Variants in RBMS3 observed in about 807,000 individuals in gnomAD.
RBMS3 encodes RNA binding motif single stranded interacting protein 3.
In RBMS3, 27 loss-of-function variants were observed where a neutral mutation model predicts 66.8. That is an observed-to-expected ratio of 0.40 (90% CI 0.30 to 0.56). RBMS3 has a LOEUF of 0.56. Ranked by LOEUF, RBMS3 falls within the 20% of genes least tolerant of loss-of-function variation. The pLI, the probability that RBMS3 is intolerant of heterozygous loss-of-function variation, is 0.40. For missense variants in RBMS3, 513 were observed against 549.5 expected (o/e 0.93, Z 0.66); for synonymous variants, 188 against 183.0 (o/e 1.03, Z -0.22).
intron 5 of RBMS3, among the ~76,000 whole-genome samples, chr3:29,760,269 A>ACACACACACACACCCC (rs2055615977): frequency 2.3e-5 from 3 of 129,974 alleles, no homozygotes; most frequent in Non-Finnish European, 4.9e-5. Context: ...ACACACACAC[A>ACACACACACACACCCC]TACACACACA....
At chr3:29,378,262 G>A (rs2038580106) in intron 1 of RBMS3, among the ~76,000 whole-genome samples, 1 of 152,090 alleles carries the variant, frequency 6.6e-6, no homozygotes, top group Admixed American at 6.5e-5. Flanking sequence ...CACGAGGTCA[G>A]GAGATTGAGA....
chr3:29,384,933 A>G (rs1271593421), intron 1 of RBMS3, among the ~76,000 whole-genome samples: 1 of 152,058 alleles, frequency 6.6e-6, no homozygotes, highest in East Asian at 1.9e-4. Flanking sequence ...CAGCTGTCCA[A>G]GTCAGTGCTT....
chr3:29,453,785 G>C (rs1485281773), intron 2 of RBMS3, among the ~76,000 whole-genome samples: 2 of 152,210 alleles, frequency 1.3e-5, no homozygotes, highest in African/African-American at 4.8e-5. Flanking sequence ...AATATGAGCT[G>C]CTGGCATTCC....
At chr3:29,378,055 G>A (rs1168753937) in intron 1 of RBMS3, among the ~76,000 whole-genome samples, 1 of 152,166 alleles carries the variant, frequency 6.6e-6, no homozygotes. Context: ...AAAGTTAAGA[G>A]AAAACTACTG....
chr3:29,849,104 G>C (rs2058862670), intron 6 of RBMS3, among the ~76,000 whole-genome samples: 1 of 150,760 alleles, frequency 6.6e-6, no homozygotes, highest in African/African-American at 2.4e-5. Context: ...TTCCATTTTT[G>C]AATATTGTCT....
chr3:29,585,066 A>G (rs942988860), intron 3 of RBMS3, among the ~76,000 whole-genome samples: 2 of 152,080 alleles, frequency 1.3e-5, no homozygotes, highest in Non-Finnish European at 1.5e-5. Flanking sequence ...TCCCAACTCA[A>G]CTATTAGTTG....
intron 1 of RBMS3, among the ~76,000 whole-genome samples, chr3:29,336,537 T>G (rs2035960259): frequency 6.6e-6 from 1 of 152,184 alleles, no homozygotes; most frequent in African/African-American, 2.4e-5. Flanking sequence ...ATGACTTTAT[T>G]GCGGAACGAA....
At chr3:29,588,955 T>C (rs1160532291) in intron 4 of RBMS3, among the ~76,000 whole-genome samples, 2 of 152,118 alleles carry the variant, frequency 1.3e-5, no homozygotes, top group Non-Finnish European at 2.9e-5. Context: ...TTGGAATTTC[T>C]TGATCTATTC....
intron 1 of RBMS3, among the ~76,000 whole-genome samples, chr3:29,395,699 T>C (rs889895093): frequency 6.6e-6 from 1 of 152,178 alleles, no homozygotes; most frequent in East Asian, 1.9e-4. Context: ...ATTCTTGTAA[T>C]GGTTAAATTA....
chr3:29,575,467 C>T (rs2149074329), intron 3 of RBMS3, among the ~76,000 whole-genome samples: 1 of 151,948 alleles, frequency 6.6e-6, no homozygotes, highest in South Asian at 2.1e-4. Context: ...TTATTAGATG[C>T]CTTGAGGTAG....
intron 6 of RBMS3, among the ~76,000 whole-genome samples, chr3:29,867,569 C>G (rs1337562325): frequency 6.8e-6 from 1 of 147,420 alleles, no homozygotes; most frequent in African/African-American, 2.5e-5. Flanking sequence ...ATCTCATCCT[C>G]CAGCAGGCTA....
chr3:29,884,447 TCTCTCTCTCTCTCTCTCTCTCTCC>T (rs1275392962), intron 8 of RBMS3, among the ~76,000 whole-genome samples: 1 of 129,238 alleles, frequency 7.7e-6, no homozygotes, highest in Non-Finnish European at 1.7e-5. Context: ...TCTCTCTCTC[TCTCTCTCTCTCTCTCTCTCTCTCC>T]CCCCCCGCTC....
At chr3:29,748,747 A>G (rs2055042218) in intron 5 of RBMS3, among the ~76,000 whole-genome samples, 1 of 152,146 alleles carries the variant, frequency 6.6e-6, no homozygotes, top group African/African-American at 2.4e-5. Flanking sequence ...ATTTCCCTCC[A>G]TTTCATCAAG....
At chr3:29,370,171 A>T (rs1414701174) in intron 1 of RBMS3, among the ~76,000 whole-genome samples, 1 of 152,190 alleles carries the variant, frequency 6.6e-6, no homozygotes, top group African/African-American at 2.4e-5. Context: ...TATTTTCTCT[A>T]TCACTTTCCT....
chr3:29,994,303 C>T (rs556933049), intron 14 of RBMS3, among the ~76,000 whole-genome samples: 108 of 152,336 alleles, frequency 7.1e-4, no homozygotes, highest in African/African-American at 2.6e-3. Context: ...TCGCTGATTG[C>T]TAGCACAGCA....
chr3:29,391,199 A>T (rs1018957109), intron 1 of RBMS3: 7 of 158,080 alleles, frequency 4.4e-5, no homozygotes, highest in African/African-American at 1.7e-4. Context: ...GTCATTAAAG[A>T]GTGCTTCAAA....
chr3:29,653,830 T>G (rs2050226134), intron 4 of RBMS3, among the ~76,000 whole-genome samples: 1 of 152,330 alleles, frequency 6.6e-6, no homozygotes, highest in South Asian at 2.1e-4. Flanking sequence ...GTCAAGTTTC[T>G]TGACCACAAT....
chr3:29,461,577 T>C (rs1428311265), intron 2 of RBMS3, among the ~76,000 whole-genome samples: 2 of 152,236 alleles, frequency 1.3e-5, no homozygotes, highest in Admixed American at 1.3e-4. Context: ...CGTATAGGAC[T>C]GAGCTCTTGA....
At chr3:29,800,488 A>G (rs958467057) in intron 6 of RBMS3, among the ~76,000 whole-genome samples, 5 of 152,236 alleles carry the variant, frequency 3.3e-5, no homozygotes, top group Non-Finnish European at 7.3e-5. Flanking sequence ...GATATTTTCT[A>G]CGTAATACTT....
Sources: allele counts gnomAD v4.1 joint callset (sites outside exome capture counted in the v4.1 genomes callset), GRCh38; gene constraint gnomAD v4.1.1; transcripts MANE v1.5; gene names NCBI Gene and HGNC (gene_info 2026-07-23, HGNC 2026-07-21).